The following UPRT variants were observed in gnomAD, a reference collection of about 807,000 sequenced individuals.
UPRT encodes uracil phosphoribosyltransferase homolog.
In UPRT, 5 loss-of-function variants were observed where a neutral mutation model predicts 22.6. The ratio of observed to expected loss-of-function variants is 0.22; its 90% CI spans 0.12 to 0.47. UPRT has a LOEUF of 0.47. Ranked by LOEUF, UPRT falls within the 20% of genes least tolerant of loss-of-function variation. The pLI, the probability that UPRT is intolerant of heterozygous loss-of-function variation, is 0.99. For synonymous variants in UPRT, 77 were observed against 87.7 expected (o/e 0.88, Z 0.68); for missense variants, 181 against 239.9 (o/e 0.75, Z 1.62).
Position 75,260,095 on chromosome X carries a change from T to C in UPRT, c.-446-30929T>C. On this transcript the variant is annotated intron_variant, in intron 4 of 13. Transcript: ENST00000652605. ...ACCACCAGGCCTGCCTTACAAGAGC[T>C]CCTGAAGGAAGCACTCAACATGAAA... Among the ~76,000 whole-genome samples the C allele has an allele frequency of 2.7e-5, 3 of 111,589 alleles. No homozygotes were observed. In the South Asian group the frequency reaches 1.1e-3, roughly 43 times the overall value.
chrX:75,178,636 G>A (rs756015636), intron 4 of UPRT, among the ~76,000 whole-genome samples: 1 of 110,264 alleles, frequency 9.1e-6, no homozygotes, highest in Non-Finnish European at 1.9e-5. Flanking sequence ...GAGTGAAGCT[G>A]CAGACCTTCA....
intron 4 of UPRT, among the ~76,000 whole-genome samples, chrX:75,209,203 A>G (rs1323244050): frequency 2.7e-5 from 3 of 110,778 alleles, no homozygotes; most frequent in African/African-American, 6.6e-5. Flanking sequence ...ACTAGCCCCC[A>G]TATCTAATAG....
exon 2 of UPRT, among the ~76,000 whole-genome samples, chrX:75,160,553 CAG>C (rs994160301): frequency 6.2e-5 from 7 of 112,030 alleles, no homozygotes; most frequent in South Asian, 3.7e-4. Context: ...TTTTTAGAGA[CAG>C]AGTCTCGCTC....
At chrX:75,251,386 G>C (rs1386574334) in intron 4 of UPRT, among the ~76,000 whole-genome samples, 1 of 111,395 alleles carries the variant, frequency 9.0e-6, no homozygotes, top group Admixed American at 9.6e-5. Context: ...AAATCAATGT[G>C]CAAAAATCAC....
intron 1 of UPRT, among the ~76,000 whole-genome samples, chrX:75,293,131 T>G (rs2082714088): frequency 9.0e-6 from 1 of 110,991 alleles, no homozygotes; most frequent in South Asian, 3.8e-4. Context: ...CTGCAAAGTT[T>G]CCTCTCAACT....
chrX:75,171,193 C>T (rs1387927044), intron 4 of UPRT, among the ~76,000 whole-genome samples: 1 of 111,438 alleles, frequency 9.0e-6, no homozygotes, highest in African/African-American at 3.3e-5. Flanking sequence ...TTCTCTTCTT[C>T]CTCAGGAACA....
At chrX:75,250,577 C>T (rs953987962) in intron 4 of UPRT, among the ~76,000 whole-genome samples, 1 of 111,193 alleles carries the variant, frequency 9.0e-6, no homozygotes, top group East Asian at 2.8e-4. Flanking sequence ...TAATAGCTTA[C>T]CAACCAAAAC....
intron 4 of UPRT, among the ~76,000 whole-genome samples, chrX:75,265,680 C>CA (rs2082585987): frequency 1.8e-5 from 2 of 112,197 alleles, no homozygotes; most frequent in Non-Finnish European, 3.8e-5. Context: ...TCTCTAAACT[C>CA]TTCAAAGTCA....
upstream of UPRT, among the ~76,000 whole-genome samples, chrX:75,271,687 C>G (rs904645374): frequency 8.9e-6 from 1 of 112,058 alleles, no homozygotes; most frequent in Non-Finnish European, 1.9e-5. Flanking sequence ...GCAAAAGGAA[C>G]AGTCAGCAGA....
chrX:75,249,238 G>C (rs980422776), intron 4 of UPRT, among the ~76,000 whole-genome samples: 3 of 111,636 alleles, frequency 2.7e-5, no homozygotes, highest in Non-Finnish European at 5.6e-5. Flanking sequence ...TGGGCTAAAT[G>C]CTCCAATTAA....
chrX:75,237,631 A>C (rs201259404), intron 4 of UPRT, among the ~76,000 whole-genome samples: 14 of 96,493 alleles, frequency 1.5e-4, no homozygotes, highest in Admixed American at 3.4e-4. Flanking sequence ...AAAAATGATG[A>C]ATTCATGTCC....
intron 4 of UPRT, among the ~76,000 whole-genome samples, chrX:75,180,607 A>C (rs1488642027): frequency 3.0e-5 from 3 of 98,968 alleles, no homozygotes; most frequent in Non-Finnish European, 4.0e-5. Context: ...GAGTCTCCAC[A>C]CTCTGCTCTG....
chrX:75,250,486 A>T (rs1320447047), intron 4 of UPRT, among the ~76,000 whole-genome samples: 1 of 111,868 alleles, frequency 8.9e-6, no homozygotes, highest in Non-Finnish European at 1.9e-5. Flanking sequence ...TCCTCGACAC[A>T]TACACCCTCC....
At chrX:75,267,205 T>G (rs1271821710) in intron 4 of UPRT, among the ~76,000 whole-genome samples, 1 of 111,938 alleles carries the variant, frequency 8.9e-6, no homozygotes, top group Non-Finnish European at 1.9e-5. Flanking sequence ...CCATCAGTGA[T>G]AGATTGGATT....
At chrX:75,178,180 C>T (rs761173306) in intron 4 of UPRT, among the ~76,000 whole-genome samples, 13 of 112,230 alleles carry the variant, frequency 1.2e-4, no homozygotes, top group Admixed American at 4.7e-4. Flanking sequence ...TCCGAAGAGT[C>T]GGGGGTTGTT....
intron 4 of UPRT, among the ~76,000 whole-genome samples, chrX:75,233,803 A>C (rs909541325): frequency 2.5e-4 from 28 of 111,514 alleles, no homozygotes; most frequent in Non-Finnish European, 4.7e-4. Flanking sequence ...CATGGAAAGG[A>C]ACAACCAATA....
chrX:75,271,699 T>C (rs1000273481), upstream of UPRT, among the ~76,000 whole-genome samples: 1 of 111,455 alleles, frequency 9.0e-6, no homozygotes, highest in African/African-American at 3.3e-5. Context: ...GTCAGCAGAG[T>C]AAACAGACAA....
intron 4 of UPRT, among the ~76,000 whole-genome samples, chrX:75,172,689 T>C (rs1389470930): frequency 9.0e-6 from 1 of 110,857 alleles, no homozygotes; most frequent in Non-Finnish European, 1.9e-5. Context: ...TCTGGTGGGT[T>C]CGTGGTCTCG....
At chrX:75,272,119 T>C (rs768833141), upstream of UPRT, among the ~76,000 whole-genome samples, 1 of 108,727 alleles carries the variant, frequency 9.2e-6, no homozygotes, top group South Asian at 4.0e-4. Context: ...CATCCAGCAA[T>C]CCCATTACTG....
Sources: allele counts gnomAD v4.1 joint callset (sites outside exome capture counted in the v4.1 genomes callset), GRCh38; gene constraint gnomAD v4.1.1; transcripts MANE v1.5; gene names NCBI Gene and HGNC (gene_info 2026-07-23, HGNC 2026-07-21).